WDPCP: variants seen among roughly 807,000 people sequenced by gnomAD.
WDPCP encodes the protein WD repeat-containing and planar cell polarity effector protein fritz homolog.
A neutral mutation model predicts 93.1 loss-of-function variants in WDPCP; 71 were observed. That is an observed-to-expected ratio of 0.76 (90% confidence interval 0.63 to 0.93). WDPCP has a LOEUF of 0.93. Ranked by LOEUF, WDPCP falls within the 40% of genes least tolerant of loss-of-function variation. The probability of loss-of-function intolerance (pLI) is 0.00; values close to 1 mark genes in which losing one functional copy is unlikely to be tolerated. For missense variants in WDPCP, 844 were observed against 887.4 expected, an observed-to-expected ratio of 0.95 and a Z score of 0.62; for synonymous variants, 315 against 315.0, an observed-to-expected ratio of 1.00 and a Z score of 0.00.
chr2:63,775,578 G>C (rs1670291329), intron 2 of WDPCP, among the ~76,000 whole-genome samples: 1 of 152,146 alleles, frequency 6.6e-6, no homozygotes, highest in African/African-American at 2.4e-5. Context: ...ATTAAAGTAT[G>C]CATCTTTAGC....
chr2:63,224,505 G>A (rs1365740912), intron 14 of WDPCP, among the ~76,000 whole-genome samples: 1 of 151,892 alleles, frequency 6.6e-6, no homozygotes, highest in African/African-American at 2.4e-5. Flanking sequence ...TTCTTCAGTC[G>A]ATGACTAGAT....
In WDPCP at chr2:63,407,197, T is replaced by C. The variant is rs1694657083; in HGVS notation, c.826-2540A>G. On this transcript the variant is annotated intron_variant, in intron 9 of 17. Coordinates refer to ENST00000272321, the MANE Select transcript of WDPCP (RefSeq NM_015910.7). ...TCATAAAGGTGACCTGAAAGAGGCA[T>C]GAGCCATGCAGCCATGTGGGAAAGG... Among the ~76,000 whole-genome samples, 3 of 152,000 alleles carry C rather than the reference T, an allele frequency of 2.0e-5. No homozygotes were observed. The South Asian group carries it at 6.2e-4, about 32-fold the overall frequency.
intron 1 of WDPCP, among the ~76,000 whole-genome samples, chr2:63,575,028 T>C (rs1397321916): frequency 1.3e-5 from 2 of 152,046 alleles, no homozygotes; most frequent in Non-Finnish European, 2.9e-5. Flanking sequence ...TTTTTAACCT[T>C]ATCCTTTAAA....
intron 2 of WDPCP, among the ~76,000 whole-genome samples, chr2:63,690,115 G>T (rs1167219247): frequency 6.6e-6 from 1 of 152,188 alleles, no homozygotes; most frequent in Non-Finnish European, 1.5e-5. Flanking sequence ...CATGCACAAA[G>T]GACAGTCATG....
chr2:63,143,964 T>A (rs925221991), intron 17 of WDPCP, among the ~76,000 whole-genome samples: 1 of 152,220 alleles, frequency 6.6e-6, no homozygotes, highest in Admixed American at 6.5e-5. Flanking sequence ...TCTTTGTGCT[T>A]CTTGTATTTG....
chr2:63,306,058 A>AT (rs1685713860), intron 13 of WDPCP, among the ~76,000 whole-genome samples: 1 of 152,236 alleles, frequency 6.6e-6, no homozygotes, highest in African/African-American at 2.4e-5. Flanking sequence ...GATAAAGGGG[A>AT]TACCACCAAT....
At chr2:63,290,271 T>G (rs2105005627) in intron 13 of WDPCP, among the ~76,000 whole-genome samples, 1 of 152,192 alleles carries the variant, frequency 6.6e-6, no homozygotes, top group South Asian at 2.1e-4. Context: ...CACCATAATA[T>G]GCAATTTTAA....
chr2:63,783,766 A>G (rs1213565961), intron 2 of WDPCP, among the ~76,000 whole-genome samples: 6 of 152,272 alleles, frequency 3.9e-5, no homozygotes, highest in Non-Finnish European at 7.4e-5. Flanking sequence ...GGTGGCTTGG[A>G]AGGGTGGGCA....
Position 63,128,201 on chromosome 2 carries a change from C to G in WDPCP, c.2191-6145G>C, listed in dbSNP as rs528743085. Among the ~76,000 whole-genome samples the G allele has an allele frequency of 2.0e-5, 3 of 152,124 alleles. 1 individual carries two copies. The highest frequency in any genetic ancestry group is 7.2e-5 in the African/African-American group (3 of 41,514). On this transcript the variant is annotated intron_variant, in intron 17 of 17. Coordinates refer to ENST00000272321, the MANE Select transcript of WDPCP (RefSeq NM_015910.7). ...ACAGTATGCCAATGAATAGTACAAA[C>G]AAGACAATGTAGATAGGTAACTACA...
At chr2:63,578,011 C>A (rs922511860) in intron 1 of WDPCP, among the ~76,000 whole-genome samples, 1 of 150,714 alleles carries the variant, frequency 6.6e-6, no homozygotes, top group Non-Finnish European at 1.5e-5. Flanking sequence ...TAACTGCAAA[C>A]AATCTACACA....
intron 12 of WDPCP, among the ~76,000 whole-genome samples, chr2:63,334,887 T>A (rs926840732): frequency 6.6e-6 from 1 of 152,156 alleles, no homozygotes; most frequent in Non-Finnish European, 1.5e-5. Context: ...AGGAAATTTC[T>A]TGTGGGCCCC....
At chr2:63,717,691 C>T (rs1025001411) in intron 2 of WDPCP, 3 of 482,320 alleles carry the variant, frequency 6.2e-6, no homozygotes, top group Non-Finnish European at 1.2e-5. Context: ...CAGGGCAAGG[C>T]CAAGAATCCT....
Position 63,438,167 on chromosome 2 carries a change from T to C in WDPCP, c.500-613A>G, listed in dbSNP as rs756662135. 2.8e-4 allele frequency: 70 copies of C among 249,016 alleles called. No homozygotes were observed. In the Middle Eastern group the frequency reaches 6.0e-3, roughly 22 times the overall value. 15.4% of individuals were successfully genotyped at this position (249,016 alleles called of 1,614,324 possible). A position where few individuals can be genotyped will look rare whatever the true frequency, so the allele number is the denominator to read the frequency against. On this transcript the variant is annotated intron_variant, in intron 7 of 17. Transcript: ENST00000272321. Reference sequence around the variant, plus strand: ...ACACAAGTAGGTAAATAACTAATATTTGTGGATTATATAAAGGGCTATTAA... The same window carrying C: ...ACACAAGTAGGTAAATAACTAATATCTGTGGATTATATAAAGGGCTATTAA...
intron 2 of WDPCP, among the ~76,000 whole-genome samples, chr2:63,671,258 C>T (rs1156701646): frequency 1.3e-5 from 2 of 152,140 alleles, no homozygotes; most frequent in African/African-American, 4.8e-5. Flanking sequence ...CACGTTTGTT[C>T]CCAGGCCATG....
chr2:63,525,118 C>G (rs1703227820), intron 1 of WDPCP, among the ~76,000 whole-genome samples: 1 of 152,146 alleles, frequency 6.6e-6, no homozygotes, highest in African/African-American at 2.4e-5. Context: ...AGCTGGAGGT[C>G]ATTATCGTAA....
At chr2:63,161,617 A>T (rs1474483029) in intron 15 of WDPCP, among the ~76,000 whole-genome samples, 1 of 152,210 alleles carries the variant, frequency 6.6e-6, no homozygotes, top group Non-Finnish European at 1.5e-5. Flanking sequence ...CCTTAAAGTG[A>T]ATCAATTTAA....
At chr2:63,779,000 T>C (rs939825702) in intron 2 of WDPCP, among the ~76,000 whole-genome samples, 9 of 152,322 alleles carry the variant, frequency 5.9e-5, no homozygotes, top group Non-Finnish European at 1.0e-4. Context: ...TCTCTCCCAA[T>C]TGAGAAACAC....
In WDPCP at chr2:63,432,288, T is replaced by G. The variant is rs1696817523; in HGVS notation, c.825+1457A>C. The stretch of plus-strand genomic sequence containing the variant: ...GGGAAGCCTCTTCAATCTTCCCTAC[T>G]TAACATCTCTCTAAGTAGAATCGAT... On this transcript the variant is annotated intron_variant, in intron 9 of 17. Coordinates refer to ENST00000272321, the MANE Select transcript of WDPCP (RefSeq NM_015910.7). Among the ~76,000 whole-genome samples the G allele has an allele frequency of 3.9e-5, 6 of 152,210 alleles. No individual in the cohort carries two copies. The South Asian group carries it at 1.2e-3, about 31-fold the overall frequency.
chr2:63,798,740 A>C (rs1261384073), intron 2 of WDPCP, among the ~76,000 whole-genome samples: 1 of 152,160 alleles, frequency 6.6e-6, no homozygotes, highest in Non-Finnish European at 1.5e-5. Context: ...AATAACACTG[A>C]ACGTAAATAG....
Sources: allele counts gnomAD v4.1 joint callset (sites outside exome capture counted in the v4.1 genomes callset), GRCh38; gene constraint gnomAD v4.1.1; transcripts MANE v1.5; gene names NCBI Gene and HGNC (gene_info 2026-07-23, HGNC 2026-07-21).